Variants in PAPSS2 observed in about 807,000 individuals in gnomAD.
PAPSS2 encodes 3'-phosphoadenosine 5'-phosphosulfate synthase 2.
In PAPSS2, 61 loss-of-function variants were observed where a neutral mutation model predicts 66.5. The ratio of observed to expected loss-of-function variants is 0.92; its 90% CI spans 0.75 to 1.14. The LOEUF (loss-of-function observed/expected upper bound fraction) is 1.14. Ranked by LOEUF, PAPSS2 falls within the 50% of genes most tolerant of loss-of-function variation. PAPSS2 has a pLI of 0.00. For synonymous variants in PAPSS2, 289 were observed against 287.5 expected (o/e 1.01, Z -0.05); for missense variants, 708 against 789.6 (o/e 0.90, Z 1.24).
intron 1 of PAPSS2, among the ~76,000 whole-genome samples, chr10:87,700,572 C>T (rs576054573): frequency 1.2e-4 from 18 of 151,246 alleles, no homozygotes; most frequent in African/African-American, 2.9e-4. Flanking sequence ...ATGGGAGGAT[C>T]GCTTGAGCCG....
intron 9 of PAPSS2, among the ~76,000 whole-genome samples, chr10:87,736,262 T>TA: frequency 7.3e-6 from 1 of 136,096 alleles, no homozygotes; most frequent in African/African-American, 3.0e-5. Flanking sequence ...TTTCTTTCTT[T>TA]CTTTTTTTTT....
intron 9 of PAPSS2, among the ~76,000 whole-genome samples, chr10:87,729,514 C>T (rs1335891337): frequency 6.6e-6 from 1 of 152,120 alleles, no homozygotes; most frequent in Non-Finnish European, 1.5e-5. Context: ...TCTGCCTTCT[C>T]CACTCACTGG....
intron 7 of PAPSS2, among the ~76,000 whole-genome samples, chr10:87,719,866 C>T (rs973157556): frequency 1.3e-5 from 2 of 152,048 alleles, no homozygotes; most frequent in Non-Finnish European, 2.9e-5. Flanking sequence ...GTGAAACTTT[C>T]TTTTTTATTT....
intron 9 of PAPSS2, among the ~76,000 whole-genome samples, chr10:87,732,827 A>G (rs914101237): frequency 6.6e-6 from 1 of 152,208 alleles, no homozygotes; most frequent in African/African-American, 2.4e-5. Flanking sequence ...GTCTTTGACA[A>G]TATTTTCAGT....
chr10:87,706,084 G>GTGTATATATATATATATATA lies in PAPSS2; in HGVS notation c.28-3111_28-3110insGTATATATATATATATATAT, dbSNP rs1459705587. On this transcript the variant is annotated intron_variant, in intron 1 of 12. Transcript: ENST00000456849. ...AGTGTGCTTTACGTTTCTTCACATGGTATATATATATATATATATATATAT... is the reference window on the plus strand; with the variant it reads ...AGTGTGCTTTACGTTTCTTCACATGGTGTATATATATATATATATATATATATATATATATATATATATAT... 1.5e-4 allele frequency among the ~76,000 whole-genome samples: 9 copies of GTGTATATATATATATATATA among 60,178 alleles called. 1 individual carries two copies. The highest frequency in any genetic ancestry group is 7.4e-4 in the African/African-American group (8 of 10,884). 39.5% of individuals were successfully genotyped at this position (60,178 alleles called of 152,430 possible).
intron 8 of PAPSS2, among the ~76,000 whole-genome samples, chr10:87,722,966 T>C (rs1462499109): frequency 6.6e-6 from 1 of 152,158 alleles, no homozygotes; most frequent in South Asian, 2.1e-4. Flanking sequence ...AAGGCCAAGA[T>C]GAAGGTAGAT....
Position 87,695,376 on chromosome 10 carries a change from T to A in PAPSS2, c.28-13820T>A, listed in dbSNP as rs1268448808. On this transcript the variant is annotated intron_variant, in intron 1 of 12. Transcript: ENST00000456849. ...CCCAATCCTATCACATTAGGCATTA[T>A]GTTTTTCACAAGCGAATATAAAGGG... Among the ~76,000 whole-genome samples, 3 of 152,204 alleles carry A rather than the reference T, an allele frequency of 2.0e-5. No individual in the cohort carries two copies. The South Asian group carries it at 6.2e-4, about 31-fold the overall frequency.
rs1256645047 is a variant in PAPSS2 at position 87,745,934 on chromosome 10, C to G, written c.1824C>G (p.Val608=). 1.2e-6 allele frequency: 2 copies of G among 1,613,882 alleles called. No individual in the cohort carries two copies. The highest frequency in any genetic ancestry group is 2.7e-5 in the African/African-American group (2 of 74,878). Reference sequence around the variant, plus strand: ...TCATGGCCCCCAAAGCATGGAAGGTCCTGACAGATTATTACAGGTCCCTGG... The same window carrying G: ...TCATGGCCCCCAAAGCATGGAAGGTGCTGACAGATTATTACAGGTCCCTGG... ...DGFMAPKAWK[V]LTDYYRSLEK... Residue 608 remains valine, a synonymous_variant, in exon 13 of 13, where the codon GTC becomes GTG. Coordinates refer to ENST00000456849, the MANE Select transcript of PAPSS2 (RefSeq NM_001015880.2).
At chr10:87,706,323 C>A (rs7077841) in intron 1 of PAPSS2, among the ~76,000 whole-genome samples, 9,566 of 151,066 alleles carry the variant, frequency 0.063, 982 homozygotes, top group African/African-American at 0.22. Flanking sequence ...AATGAATAAT[C>A]AAGTAAACTG....
intron 1 of PAPSS2, among the ~76,000 whole-genome samples, chr10:87,705,580 A>T (rs776599646): frequency 1.3e-5 from 2 of 152,174 alleles, no homozygotes; most frequent in Non-Finnish European, 2.9e-5. Context: ...AGATATTATC[A>T]GTGACCTCTC....
chr10:87,711,799 C>CT (rs1853465087), intron 2 of PAPSS2, among the ~76,000 whole-genome samples: 1 of 152,102 alleles, frequency 6.6e-6, no homozygotes, highest in Non-Finnish European at 1.5e-5. Context: ...TTTTTCTGCC[C>CT]TTTTTCCTCT....
rs1168012131 is a variant in PAPSS2 at position 87,741,290 on chromosome 10, AAAT to A, written c.1145_1147del (p.Ile382del). The A allele has an allele frequency of 6.2e-7, 1 of 1,613,900 alleles. No homozygotes were observed. The highest frequency in any genetic ancestry group is 8.5e-7 in the Non-Finnish European group (1 of 1,179,772). ...GGTGGAGACCTTCAGGTGCTGGAGA[AAAT>A]AAGATGGAATGATGGGCTGGACCAA... On this transcript the variant is annotated inframe_deletion, in exon 10 of 13. Transcript: ENST00000456849.
chr10:87,742,855 G>C (rs1853886190), intron 10 of PAPSS2, among the ~76,000 whole-genome samples: 1 of 152,210 alleles, frequency 6.6e-6, no homozygotes, highest in South Asian at 2.1e-4. Context: ...GCAGCTTCCT[G>C]CCTCTGCATC....
chr10:87,691,641 A>G (rs190067698), intron 1 of PAPSS2, among the ~76,000 whole-genome samples: 20 of 152,318 alleles, frequency 1.3e-4, no homozygotes, highest in South Asian at 4.1e-4. Context: ...GGGAAATGAG[A>G]TATCAGTAGA....
chr10:87,668,465 C>T (rs1852839188), intron 1 of PAPSS2, among the ~76,000 whole-genome samples: 1 of 152,164 alleles, frequency 6.6e-6, no homozygotes, highest in East Asian at 1.9e-4. Flanking sequence ...ATTCTAAACA[C>T]AGCATTTGCC....
chr10:87,726,385 G>A (rs764293972), intron 8 of PAPSS2, among the ~76,000 whole-genome samples: 7 of 152,212 alleles, frequency 4.6e-5, no homozygotes, highest in African/African-American at 7.2e-5. Context: ...AGCCAAGATC[G>A]TGCCAGTGAA....
intron 1 of PAPSS2, among the ~76,000 whole-genome samples, chr10:87,668,817 A>T (rs1295033512): frequency 1.3e-5 from 2 of 152,074 alleles, no homozygotes; most frequent in African/African-American, 2.4e-5. Flanking sequence ...CTTTGGCTTG[A>T]CTGGGTGGGG....
At chr10:87,730,206 A>G (rs559137750) in intron 9 of PAPSS2, among the ~76,000 whole-genome samples, 17 of 152,364 alleles carry the variant, frequency 1.1e-4, no homozygotes, top group African/African-American at 3.8e-4. Flanking sequence ...CAAAAGGCAG[A>G]TTAATGAGAA....
chr10:87,678,117 T>C (rs1852971506), intron 1 of PAPSS2, among the ~76,000 whole-genome samples: 1 of 151,894 alleles, frequency 6.6e-6, no homozygotes, highest in South Asian at 2.1e-4. Flanking sequence ...ATATAAAAAC[T>C]TTTTTTTCCC....
Sources: gnomAD v4.1 joint callset for allele counts (sites outside exome capture counted in the v4.1 genomes callset) on GRCh38, gnomAD v4.1.1 for gene constraint, MANE v1.5 for transcripts, NCBI Gene and HGNC (gene_info 2026-07-23, HGNC 2026-07-21) for gene names.